The following THBS4 variants were observed in gnomAD, a reference collection of about 807,000 sequenced individuals.
THBS4 encodes the protein thrombospondin-4.
In THBS4, 90 loss-of-function variants were observed where a neutral mutation model predicts 115.7. The ratio of observed to expected loss-of-function variants is 0.78; its 90% CI spans 0.66 to 0.93. The LOEUF (loss-of-function observed/expected upper bound fraction) is 0.93. Among genes scored for constraint, THBS4 ranks in the 40% least tolerant of loss-of-function variants. THBS4 has a pLI of 0.00. For missense variants in THBS4, 1,087 were observed against 1,232.7 expected (o/e 0.88, Z 1.77); for synonymous variants, 460 against 479.3 (o/e 0.96, Z 0.53).
intron 2 of THBS4, chr5:80,019,844 GTC>G (rs1832327614): frequency 6.1e-6 from 1 of 164,650 alleles, no homozygotes; most frequent in South Asian, 1.8e-4. Flanking sequence ...TCACTTCACT[GTC>G]TCTCTCACTG....
At chr5:80,058,063 A>T (rs1833489733) in intron 3 of THBS4, 143 bp from the exon 4 acceptor site, 3 of 622,992 alleles carry the variant, frequency 4.8e-6, no homozygotes, top group Admixed American at 2.8e-5. Flanking sequence ...CTTTAGGAAA[A>T]AATGTGATCC....
At chr5:80,008,257 A>G (rs1832055490) in intron 2 of THBS4, among the ~76,000 whole-genome samples, 1 of 152,222 alleles carries the variant, frequency 6.6e-6, no homozygotes, top group South Asian at 2.1e-4. Flanking sequence ...ATGTGGGTCT[A>G]CCAGTGAGAA....
intron 2 of THBS4, among the ~76,000 whole-genome samples, chr5:80,055,041 G>T (rs192466913): frequency 6.8e-4 from 104 of 152,184 alleles, no homozygotes; most frequent in African/African-American, 2.3e-3. Context: ...AAGTATTTAG[G>T]CTGGGCACAG....
intron 3 of THBS4, 107 bp from the exon 4 acceptor site, chr5:80,058,099 G>A (rs1350381611): frequency 6.7e-6 from 5 of 751,872 alleles, no homozygotes; most frequent in African/African-American, 3.5e-5. Flanking sequence ...GATGTCAGAG[G>A]GTCCAAGTAT....
chr5:80,064,812 T>C (rs1322837552), intron 8 of THBS4, among the ~76,000 whole-genome samples: 1 of 151,944 alleles, frequency 6.6e-6, no homozygotes, highest in African/African-American at 2.4e-5. Flanking sequence ...CTTTTATCAA[T>C]GGAAAATCGT....
At chr5:80,072,667 T>G in intron 14 of THBS4, 1 of 423,260 alleles carries the variant, frequency 2.4e-6, no homozygotes, top group East Asian at 3.8e-5. Context: ...GTATTTTTCC[T>G]GCAGAAAGGA....
chr5:80,055,395 C>A (rs1390032861), intron 2 of THBS4, among the ~76,000 whole-genome samples: 1 of 151,768 alleles, frequency 6.6e-6, no homozygotes, highest in Non-Finnish European at 1.5e-5. Context: ...TGGTAGTGCT[C>A]AGCAAGTGTT....
At chr5:80,033,134 G>T, upstream of THBS4, 1 of 333,320 alleles carries the variant, frequency 3.0e-6, no homozygotes, top group South Asian at 3.0e-5. Context: ...AAATACACAC[G>T]GTCATAAAAA....
At chr5:80,007,556 G>A (rs1486840456) in intron 2 of THBS4, among the ~76,000 whole-genome samples, 3 of 152,226 alleles carry the variant, frequency 2.0e-5, no homozygotes. Context: ...CCTGTCTGCA[G>A]AACGTGGCTA....
intron 9 of THBS4, chr5:80,067,680 T>A (rs1253087143): frequency 7.5e-6 from 2 of 267,302 alleles, no homozygotes; most frequent in South Asian, 1.2e-4. Flanking sequence ...ACCTGTCCCC[T>A]ATGCCCTCCA....
intron 20 of THBS4, among the ~76,000 whole-genome samples, chr5:80,080,472 CTG>C (rs2112173824): frequency 6.8e-6 from 1 of 146,372 alleles, no homozygotes; most frequent in South Asian, 2.3e-4. Context: ...CCTCTGGGCC[CTG>C]TGTAATCACT....
chr5:80,059,199 G>A (rs2434303), intron 5 of THBS4, among the ~76,000 whole-genome samples: 81,165 of 151,688 alleles, frequency 0.54, 22,002 homozygotes, highest in Middle Eastern at 0.63. Flanking sequence ...GCATGGTGGT[G>A]CATGCCTATA....
intron 2 of THBS4, among the ~76,000 whole-genome samples, chr5:80,020,964 A>G (rs1222043544): frequency 6.6e-6 from 1 of 152,252 alleles, no homozygotes; most frequent in African/African-American, 2.4e-5. Flanking sequence ...TGGCAAATGT[A>G]TGAACTCAAT....
intron 1 of THBS4, among the ~76,000 whole-genome samples, chr5:79,996,272 G>A (rs571611592): frequency 6.6e-6 from 1 of 152,306 alleles, no homozygotes; most frequent in South Asian, 2.1e-4. Flanking sequence ...GAGAGCCATG[G>A]GCAGGCTAAT....
At chr5:80,079,379 C>T (rs1470496778) in intron 19 of THBS4, 121 bp downstream of exon 19, 23 of 1,100,180 alleles carry the variant, frequency 2.1e-5, no homozygotes, top group East Asian at 5.2e-5. Flanking sequence ...TTTATGCTAA[C>T]GTTAGAGTCA....
At chr5:79,992,948 G>A (rs1204325672) in intron 1 of THBS4, among the ~76,000 whole-genome samples, 1 of 152,208 alleles carries the variant, frequency 6.6e-6, no homozygotes, top group Non-Finnish European at 1.5e-5. Flanking sequence ...GACTGACAAA[G>A]GCAAGGCAGG....
intron 2 of THBS4, among the ~76,000 whole-genome samples, chr5:80,009,950 TAGTG>T (rs1832090108): frequency 6.6e-6 from 1 of 151,960 alleles, no homozygotes; most frequent in Non-Finnish European, 1.5e-5. Context: ...CCAGGCAACA[TAGTG>T]AGACCCTGTT....
At chr5:80,073,159 C>A in intron 14 of THBS4, 116 bp from the exon 15 acceptor site, 1 of 1,075,328 alleles carries the variant, frequency 9.3e-7, no homozygotes, top group Non-Finnish European at 1.4e-6. Context: ...TTGCACCACC[C>A]CGGTTCCAGA....
At chr5:80,073,664 G>A (rs1003809264) in intron 15 of THBS4, among the ~76,000 whole-genome samples, 6 of 152,110 alleles carry the variant, frequency 3.9e-5, no homozygotes, top group Non-Finnish European at 7.4e-5. Flanking sequence ...GATTACAGGC[G>A]TGAGCCACTG....
Sources: allele counts gnomAD v4.1 joint callset (sites outside exome capture counted in the v4.1 genomes callset), GRCh38; gene constraint gnomAD v4.1.1; transcripts MANE v1.5; gene names NCBI Gene and HGNC (gene_info 2026-07-23, HGNC 2026-07-21).